PARD3: variants seen among roughly 807,000 people sequenced by gnomAD.
The protein encoded by PARD3 is partitioning defective 3 homolog.
PARD3 carries 75 observed loss-of-function variants against 155.4 expected under a neutral mutation model. The observed-to-expected ratio is 0.48, with a 90% CI of 0.40 to 0.58. The LOEUF is 0.58. Among genes scored for constraint, PARD3 ranks in the 20% least tolerant of loss-of-function variants. The probability of loss-of-function intolerance (pLI) is 0.00; values close to 1 mark genes in which losing one functional copy is unlikely to be tolerated. For synonymous variants in PARD3, 576 were observed against 610.5 expected, an observed-to-expected ratio of 0.94 and a Z score of 0.83; for missense variants, 1,642 against 1,721.7, an observed-to-expected ratio of 0.95 and a Z score of 0.82.
chr10:34,200,733 C>A (rs532456950), intron 22 of PARD3, among the ~76,000 whole-genome samples: 2 of 152,344 alleles, frequency 1.3e-5, no homozygotes, highest in Admixed American at 1.3e-4. Flanking sequence ...GCATTAGTTA[C>A]TAGGCTACTG....
At chr10:34,291,105 C>T (rs1017544253) in intron 20 of PARD3, among the ~76,000 whole-genome samples, 1 of 152,186 alleles carries the variant, frequency 6.6e-6, no homozygotes, top group Non-Finnish European at 1.5e-5. Flanking sequence ...ACCAATTACC[C>T]TGGTCTCTAA....
intron 1 of PARD3, among the ~76,000 whole-genome samples, chr10:34,807,713 A>G (rs10764007): frequency 0.35 from 53,461 of 151,756 alleles, 10,537 homozygotes; most frequent in African/African-American, 0.55. Flanking sequence ...GAGTATATAT[A>G]AAATATATAC....
chr10:34,126,110 G>C (rs1243923287), intron 23 of PARD3, among the ~76,000 whole-genome samples: 1 of 152,174 alleles, frequency 6.6e-6, no homozygotes, highest in African/African-American at 2.4e-5. Context: ...GGCACTACGT[G>C]AGGAAGAAGT....
chr10:34,273,624 G>T (rs1431881210), intron 21 of PARD3, among the ~76,000 whole-genome samples: 1 of 152,182 alleles, frequency 6.6e-6, no homozygotes, highest in Non-Finnish European at 1.5e-5. Context: ...CTGTACTACA[G>T]TTATCTAACT....
At chr10:34,441,389 T>C (rs573615262) in intron 5 of PARD3, among the ~76,000 whole-genome samples, 1 of 152,338 alleles carries the variant, frequency 6.6e-6, no homozygotes, top group East Asian at 1.9e-4. Flanking sequence ...GGTATGATTT[T>C]CCCCATTTTG....
chr10:34,797,418 C>T (rs1842389806), intron 1 of PARD3, among the ~76,000 whole-genome samples: 2 of 152,190 alleles, frequency 1.3e-5, no homozygotes, highest in Non-Finnish European at 1.5e-5. Context: ...TCCCAACGTG[C>T]TGGAATTACA....
Position 34,374,957 on chromosome 10 carries a change from A to C in PARD3, c.1585T>G (p.Ser529Ala), listed in dbSNP as rs747537044. Residue 529 changes from serine (S) to alanine (A), a missense_variant, in exon 11 of 25, where the codon TCG (serine) becomes GCG (alanine). By Grantham distance (99) the Ser-to-Ala change is moderately conservative (BLOSUM62 1). Coordinates refer to ENST00000374788, the MANE Select transcript of PARD3 (RefSeq NM_001184785.2). Reference sequence around the variant, plus strand: ...TCCATCTTGGTGCTTCTCAACAGCGAAACAACTTCCTCTTGGGATTTGCCC... The same window carrying C: ...TCCATCTTGGTGCTTCTCAACAGCGCAACAACTTCCTCTTGGGATTTGCCC... ...LVGKSQEEVVSLLRSTKMEGT... is the reference protein window; with the variant it reads ...LVGKSQEEVVALLRSTKMEGT... 1.9e-6 allele frequency: 3 copies of C among 1,613,848 alleles called. No homozygotes were observed. Among genetic ancestry groups the C allele is most frequent in the Admixed American group, 1.7e-5 (1 of 59,968 alleles).
At chr10:34,800,256 C>A (rs554894505) in intron 1 of PARD3, among the ~76,000 whole-genome samples, 1 of 152,168 alleles carries the variant, frequency 6.6e-6, no homozygotes, top group African/African-American at 2.4e-5. Context: ...AGCACTGACC[C>A]CAGCACATAG....
intron 2 of PARD3, among the ~76,000 whole-genome samples, chr10:34,552,208 A>G (rs1045251627): frequency 1.3e-5 from 2 of 152,208 alleles, no homozygotes; most frequent in Non-Finnish European, 2.9e-5. Context: ...TTAGGGCTGT[A>G]GCAATCCTCC....
At chr10:34,658,102 C>T (rs573583110) in intron 2 of PARD3, among the ~76,000 whole-genome samples, 17 of 150,676 alleles carry the variant, frequency 1.1e-4, no homozygotes, top group East Asian at 6.0e-4. Flanking sequence ...GCCGAGATTG[C>T]GCCACTGCAC....
At chr10:34,758,052 C>CA (rs1232924628) in intron 1 of PARD3, among the ~76,000 whole-genome samples, 1 of 152,182 alleles carries the variant, frequency 6.6e-6, no homozygotes, top group Non-Finnish European at 1.5e-5. Context: ...GACCCCTTTG[C>CA]AAGCACTCAA....
intron 2 of PARD3, among the ~76,000 whole-genome samples, chr10:34,547,160 C>T (rs2084147073): frequency 6.6e-6 from 1 of 152,212 alleles, no homozygotes; most frequent in Non-Finnish European, 1.5e-5. Flanking sequence ...GAGGGATACT[C>T]CCTTTGTCAG....
intron 3 of PARD3, among the ~76,000 whole-genome samples, chr10:34,516,541 ACTTTGACACGGCGGT>A (rs1311448967): frequency 6.6e-6 from 1 of 152,168 alleles, no homozygotes; most frequent in Non-Finnish European, 1.5e-5. Flanking sequence ...CCTGAAGATA[ACTTTGACACGGCGGT>A]CTCTTCTTCC....
chr10:34,599,694 G>A (rs1324008170), intron 2 of PARD3, among the ~76,000 whole-genome samples: 1 of 152,068 alleles, frequency 6.6e-6, no homozygotes, highest in Non-Finnish European at 1.5e-5. Flanking sequence ...ACCTTATGTG[G>A]GCTTACTTGG....
intron 2 of PARD3, among the ~76,000 whole-genome samples, chr10:34,532,090 A>G (rs768523057): frequency 3.2e-4 from 49 of 152,196 alleles, no homozygotes; most frequent in Non-Finnish European, 6.2e-4. Context: ...GGTTACTTAC[A>G]TTTCTCTCAA....
chr10:34,161,017 G>C (rs188048742), intron 22 of PARD3, among the ~76,000 whole-genome samples: 41 of 152,114 alleles, frequency 2.7e-4, no homozygotes, highest in African/African-American at 9.6e-4. Flanking sequence ...GCACTTTGAG[G>C]GACTGCTTGA....
At chr10:34,556,520 A>C (rs1042929436) in intron 2 of PARD3, among the ~76,000 whole-genome samples, 3 of 151,736 alleles carry the variant, frequency 2.0e-5, no homozygotes, top group Admixed American at 6.6e-5. Context: ...GTAGCTGGGA[A>C]TACAGGCACC....
chr10:34,559,927 T>C (rs771675880), intron 2 of PARD3, among the ~76,000 whole-genome samples: 5 of 152,168 alleles, frequency 3.3e-5, no homozygotes, highest in Non-Finnish European at 7.4e-5. Flanking sequence ...TCACATTATA[T>C]AGGGCATTTA....
intron 22 of PARD3, among the ~76,000 whole-genome samples, chr10:34,153,782 C>T (rs1236043282): frequency 2.0e-5 from 3 of 152,170 alleles, no homozygotes; most frequent in Non-Finnish European, 4.4e-5. Flanking sequence ...TACCCTTCAA[C>T]ATAAATAAGG....
Sources: allele counts gnomAD v4.1 joint callset (sites outside exome capture counted in the v4.1 genomes callset), GRCh38; gene constraint gnomAD v4.1.1; transcripts MANE v1.5; gene names NCBI Gene and HGNC (gene_info 2026-07-23, HGNC 2026-07-21).